Variants in PCNX2 observed in about 807,000 individuals in gnomAD.
PCNX2 encodes the protein pecanex 2.
PCNX2 carries 168 observed loss-of-function variants against 223.8 expected under a neutral mutation model. That is an observed-to-expected ratio of 0.75 (90% confidence interval 0.66 to 0.85). The LOEUF is 0.85. Ranked by LOEUF, PCNX2 falls within the 40% of genes least tolerant of loss-of-function variation. The pLI is 0.00. For missense variants in PCNX2, 2,507 were observed against 2,675.5 expected, an observed-to-expected ratio of 0.94 and a Z score of 1.39; for synonymous variants, 1,006 against 1,052.6, an observed-to-expected ratio of 0.96 and a Z score of 0.86.
At chr1:233,319,400 G>T in the PCNX2 span, among the ~76,000 whole-genome samples, 1 of 152,202 alleles carries the variant, frequency 6.6e-6, no homozygotes, top group African/African-American at 2.4e-5. Flanking sequence ...TAGCTACTGA[G>T]GCTCCTTTCA....
chr1:233,140,297 A>G (rs1181806447), intron 19 of PCNX2, among the ~76,000 whole-genome samples: 6 of 152,122 alleles, frequency 3.9e-5, no homozygotes, highest in Admixed American at 3.9e-4. Flanking sequence ...TAATCTTTAA[A>G]CCACAAACAA....
In PCNX2 at chr1:233,275,496, C is replaced by T. The variant is rs145881590; in HGVS notation, c.154-12333G>A. ...AGGATTACAGGCGTGAGCCACTGCA[C>T]CCAGCTGGAATAAATGAATACTCTT... On this transcript the variant is annotated intron_variant, in intron 1 of 33. Coordinates refer to ENST00000258229, the MANE Select transcript of PCNX2 (RefSeq NM_014801.4). 8.0e-3 allele frequency among the ~76,000 whole-genome samples: 1,215 copies of T among 152,078 alleles called. 18 individuals are homozygous for T. Among genetic ancestry groups the T allele is most frequent in the African/African-American group, 0.028 (1,151 of 41,472 alleles).
At position 233,181,680 on chromosome 1, in the gene PCNX2, C is replaced by T. The variant is rs184517698; in HGVS notation, c.3067-2505G>A. ...GCACTGAAAGCCCAAGGTCAAGGTG[C>T]AGGAAGGAGAAGGTTTGTTGTCTGG... is the stretch of plus-strand genomic sequence containing the variant. On this transcript the variant is annotated intron_variant, in intron 15 of 33. Transcript: ENST00000258229. Among the ~76,000 whole-genome samples, 276 of 152,032 alleles carry T rather than the reference C, an allele frequency of 1.8e-3. 5 individuals are homozygous for T. Among genetic ancestry groups the T allele is most frequent in the Admixed American group, 0.013 (199 of 15,290 alleles).
At chr1:233,305,049 T>C in the PCNX2 span, among the ~76,000 whole-genome samples, 2 of 152,186 alleles carry the variant, frequency 1.3e-5, no homozygotes, top group African/African-American at 4.8e-5. Context: ...TTAACTTACC[T>C]AAACATTCAA....
chr1:233,269,281 C>A lies in PCNX2; in HGVS notation c.154-6118G>T, dbSNP rs553666178. On this transcript the variant is annotated intron_variant, in intron 1 of 33. Transcript: ENST00000258229. Reference sequence around the variant, plus strand: ...CTGTGCTCTTGGTCTAAGCATAATTCATTTACCTGGCACATAATAAGCCTA... The same window carrying A: ...CTGTGCTCTTGGTCTAAGCATAATTAATTTACCTGGCACATAATAAGCCTA... Among the ~76,000 whole-genome samples the A allele has an allele frequency of 2.6e-5, 4 of 152,316 alleles. No individual in the cohort carries two copies. In the East Asian group the frequency reaches 7.7e-4, roughly 29 times the overall value.
At chr1:233,146,383 T>C (rs1677447704) in intron 19 of PCNX2, among the ~76,000 whole-genome samples, 1 of 152,126 alleles carries the variant, frequency 6.6e-6, no homozygotes, top group Non-Finnish European at 1.5e-5. Context: ...AAAAGCAGTC[T>C]TTTTGAAGTA....
At chr1:233,038,285 G>T (rs1671526674) in intron 25 of PCNX2, among the ~76,000 whole-genome samples, 1 of 152,286 alleles carries the variant, frequency 6.6e-6, no homozygotes, top group African/African-American at 2.4e-5. Flanking sequence ...TGAGTGATAT[G>T]ATTTCCCCCT....
intron 12 of PCNX2, among the ~76,000 whole-genome samples, chr1:233,212,987 A>C (rs1181470958): frequency 1.3e-5 from 2 of 152,232 alleles, no homozygotes; most frequent in Non-Finnish European, 2.9e-5. Flanking sequence ...GATGTGATCC[A>C]TCATGTTACC....
chr1:233,022,771 CACTGCA>C (rs1212341135), intron 26 of PCNX2, among the ~76,000 whole-genome samples: 1 of 148,492 alleles, frequency 6.7e-6, no homozygotes, highest in Non-Finnish European at 1.5e-5. Context: ...GATCTTGGCT[CACTGCA>C]ACTTCCGCCT....
Position 233,000,588 on chromosome 1 carries a change from C to A in PCNX2, c.5098-53G>T. ...TGGGCAAGGACCAGAGGAACTCACC[C>A]CCAGGAAGCATGCAGATGGCAACTG... On this transcript the variant is annotated intron_variant, in intron 29 of 33. Coordinates refer to ENST00000258229, the MANE Select transcript of PCNX2 (RefSeq NM_014801.4). This position sits in a 1 kb window ranked among gnomAD's most constrained non-coding sequence, Gnocchi z 4.6. 1 of 1,472,456 alleles carries A rather than the reference C, an allele frequency of 6.8e-7. No homozygotes were observed. Among genetic ancestry groups the A allele is most frequent in the Middle Eastern group, 1.8e-4 (1 of 5,568 alleles). The allele number at this position is 1,472,456 out of a possible 1,614,324, so 91.2% of individuals were successfully genotyped here.
At chr1:233,170,727 A>C (rs1190796313) in intron 17 of PCNX2, among the ~76,000 whole-genome samples, 1 of 152,154 alleles carries the variant, frequency 6.6e-6, no homozygotes, top group Non-Finnish European at 1.5e-5. Flanking sequence ...CCTGGAATTG[A>C]CTTTTAAGTA....
intron 25 of PCNX2, among the ~76,000 whole-genome samples, chr1:233,053,874 A>G (rs1672094408): frequency 6.6e-6 from 1 of 152,196 alleles, no homozygotes; most frequent in South Asian, 2.1e-4. Context: ...AAAAGCTCTA[A>G]GACCTTAAAT....
chr1:233,167,249 G>A (rs568783049), intron 17 of PCNX2, among the ~76,000 whole-genome samples: 8 of 152,198 alleles, frequency 5.3e-5, no homozygotes, highest in East Asian at 1.9e-4. Context: ...CCACAACATG[G>A]ATGAACCTGG....
chr1:233,149,544 T>C (rs1383277966), intron 19 of PCNX2, among the ~76,000 whole-genome samples: 1 of 152,204 alleles, frequency 6.6e-6, no homozygotes, highest in Non-Finnish European at 1.5e-5. Flanking sequence ...AATGAACACA[T>C]CTGTGCTGTT....
chr1:233,015,805 T>C (rs779982658), intron 27 of PCNX2, among the ~76,000 whole-genome samples: 12 of 152,096 alleles, frequency 7.9e-5, no homozygotes, highest in East Asian at 7.7e-4. Flanking sequence ...TCCTAGGAGT[T>C]TGAGGCTGCA....
intron 21 of PCNX2, among the ~76,000 whole-genome samples, chr1:233,106,908 A>G (rs938488908): frequency 6.6e-6 from 1 of 152,158 alleles, no homozygotes; most frequent in African/African-American, 2.4e-5. Context: ...TCATCAATCT[A>G]GTACATATAG....
intron 25 of PCNX2, among the ~76,000 whole-genome samples, chr1:233,033,839 A>G (rs566277985): frequency 6.6e-6 from 1 of 152,182 alleles, no homozygotes; most frequent in Non-Finnish European, 1.5e-5. Flanking sequence ...TTTGAGATGT[A>G]TAATTTCTGC....
At chr1:233,217,601 G>C (rs755031172) in intron 12 of PCNX2, among the ~76,000 whole-genome samples, 3 of 152,154 alleles carry the variant, frequency 2.0e-5, no homozygotes, top group Admixed American at 2.0e-4. Flanking sequence ...CAACGTCTGC[G>C]GTCTTCCCCC....
intron 13 of PCNX2, among the ~76,000 whole-genome samples, chr1:233,202,944 A>G (rs1215066022): frequency 6.6e-6 from 1 of 152,120 alleles, no homozygotes; most frequent in Non-Finnish European, 1.5e-5. Context: ...TAAGCAACCT[A>G]TTCTACGGTA....
Sources: allele counts gnomAD v4.1 joint callset (sites outside exome capture counted in the v4.1 genomes callset), GRCh38; gene constraint gnomAD v4.1.1; non-coding constraint Gnocchi (gnomAD v3.1); transcripts MANE v1.5; gene names NCBI Gene and HGNC (gene_info 2026-07-23, HGNC 2026-07-21).